Variants in FBXW11 observed in about 807,000 individuals in gnomAD.
FBXW11 encodes the protein F-box and WD repeat domain containing 11, also known as F-box/WD repeat-containing protein 11.
Under a neutral mutation model 77.6 loss-of-function variants are expected in FBXW11, and 19 were observed. The ratio of observed to expected loss-of-function variants is 0.24; its 90% confidence interval spans 0.17 to 0.36. FBXW11 has a LOEUF of 0.36. Among genes scored for constraint, FBXW11 ranks in the 10% least tolerant of loss-of-function variants. The pLI is 1.00. For missense variants in FBXW11, 334 were observed against 704.2 expected, an observed-to-expected ratio of 0.47 and a Z score of 5.95; for synonymous variants, 235 against 249.4, an observed-to-expected ratio of 0.94 and a Z score of 0.54.
intron 1 of FBXW11, among the ~76,000 whole-genome samples, chr5:171,993,773 A>C (rs1282002649): frequency 6.6e-6 from 1 of 152,176 alleles, no homozygotes; most frequent in African/African-American, 2.4e-5. Flanking sequence ...AGCAGATCAA[A>C]TTTCTGTGAG....
intron 2 of FBXW11, among the ~76,000 whole-genome samples, chr5:171,926,059 G>C (rs13167910): frequency 6.6e-6 from 1 of 152,184 alleles, no homozygotes; most frequent in Admixed American, 6.5e-5. Context: ...TATTATCTCT[G>C]TAATTTTTAT....
At chr5:171,867,102 C>G (rs1421814941) in intron 13 of FBXW11, among the ~76,000 whole-genome samples, 1 of 152,210 alleles carries the variant, frequency 6.6e-6, no homozygotes, top group Non-Finnish European at 1.5e-5. Context: ...ACTGAGTTGG[C>G]ATGAAGAAAA....
chr5:171,956,041 G>A (rs1383539368), intron 2 of FBXW11, among the ~76,000 whole-genome samples: 2 of 151,976 alleles, frequency 1.3e-5, no homozygotes, highest in African/African-American at 2.4e-5. Flanking sequence ...AAAAGAATCC[G>A]CACTTCAAGA....
intron 4 of FBXW11, 71 bp from the exon 5 acceptor site, chr5:171,900,171 GATAAGAGGA>G (rs1760017285): frequency 7.6e-7 from 1 of 1,322,268 alleles, no homozygotes; most frequent in African/African-American, 1.5e-5. Flanking sequence ...TTTCCTTAAA[GATAAGAGGA>G]ATAAAGAAAT....
At chr5:171,911,746 T>C (rs1350166310) in intron 3 of FBXW11, among the ~76,000 whole-genome samples, 1 of 152,190 alleles carries the variant, frequency 6.6e-6, no homozygotes, top group African/African-American at 2.4e-5. Context: ...TACAAGTCCT[T>C]ACATAAAATC....
intron 7 of FBXW11, among the ~76,000 whole-genome samples, chr5:171,884,541 A>G (rs574127642): frequency 2.6e-5 from 4 of 152,260 alleles, no homozygotes; most frequent in Admixed American, 2.0e-4. Flanking sequence ...TTTGGTTCCA[A>G]GTGAATTTTA....
intron 3 of FBXW11, among the ~76,000 whole-genome samples, chr5:171,911,592 C>T (rs1197584478): frequency 6.6e-6 from 1 of 152,134 alleles, no homozygotes; most frequent in Non-Finnish European, 1.5e-5. Flanking sequence ...TTAGACTTTC[C>T]CATCCTTCTT....
At chr5:171,931,193 T>C (rs1265582247) in intron 2 of FBXW11, among the ~76,000 whole-genome samples, 2 of 151,782 alleles carry the variant, frequency 1.3e-5, no homozygotes, top group Admixed American at 6.6e-5. Context: ...ATGGAGAGGC[T>C]AAAAAAAATA....
At chr5:171,929,617 C>T (rs982036767) in intron 2 of FBXW11, among the ~76,000 whole-genome samples, 2 of 151,668 alleles carry the variant, frequency 1.3e-5, no homozygotes, top group Admixed American at 1.3e-4. Context: ...TTTGGGAGGC[C>T]GAGGTGGGCA....
intron 1 of FBXW11, chr5:171,977,733 C>A: frequency 5.3e-6 from 2 of 374,630 alleles, no homozygotes; most frequent in Non-Finnish European, 1.1e-5. Context: ...GAGAGAGAAG[C>A]TTGTGCAGGG....
chr5:171,865,537 A>G (rs1757332955), intron 13 of FBXW11, among the ~76,000 whole-genome samples: 3 of 152,206 alleles, frequency 2.0e-5, no homozygotes, highest in East Asian at 1.9e-4. Context: ...ACATGCAAGC[A>G]TTTCACAATA....
chr5:171,912,534 A>G (rs1760944673), intron 3 of FBXW11, among the ~76,000 whole-genome samples: 1 of 152,224 alleles, frequency 6.6e-6, no homozygotes, highest in African/African-American at 2.4e-5. Context: ...TAACTGCCCA[A>G]TTACAGGCAA....
chr5:172,001,439 A>G (rs148823629), intron 1 of FBXW11, among the ~76,000 whole-genome samples: 168 of 152,360 alleles, frequency 1.1e-3, no homozygotes, highest in African/African-American at 3.8e-3. Context: ...AATGATCACC[A>G]GGAAAATTCA....
intron 2 of FBXW11, among the ~76,000 whole-genome samples, chr5:171,933,648 GA>G (rs1337161908): frequency 6.6e-6 from 1 of 152,118 alleles, no homozygotes; most frequent in Non-Finnish European, 1.5e-5. Context: ...GATCCTGCAA[GA>G]AAAGAATTTT....
chr5:171,978,207 C>T (rs775523094), intron 1 of FBXW11, among the ~76,000 whole-genome samples: 27 of 151,838 alleles, frequency 1.8e-4, no homozygotes, highest in South Asian at 4.2e-4. Context: ...GTGCAGAAAG[C>T]GAGGGTGAAA....
In FBXW11 at chr5:171,863,891, G is replaced by A. The variant is rs958674143; in HGVS notation, c.*236C>T. 5.3e-5 allele frequency: 8 copies of A among 152,196 alleles called. No homozygotes were observed. The highest frequency in any genetic ancestry group is 3.3e-4 in the Admixed American group (5 of 15,266). 9.4% of individuals were successfully genotyped at this position (152,196 alleles called of 1,614,324 possible). A position where few individuals can be genotyped will look rare whatever the true frequency, so the allele number is the denominator to read the frequency against. On this transcript the variant is annotated 3_prime_UTR_variant, in exon 14 of 14. Transcript: ENST00000517395. ...TTTTTCACTGATGAGGGAAGGAAAC[G>A]GGCTTCTGTTCTACTTGAAGCCGGG...
intron 2 of FBXW11, among the ~76,000 whole-genome samples, chr5:171,926,846 T>G (rs969902256): frequency 1.3e-4 from 20 of 152,212 alleles, no homozygotes; most frequent in African/African-American, 4.6e-4. Context: ...GCACTTAGAA[T>G]AATTCCCAGC....
In FBXW11 at chr5:171,904,253, C is replaced by T. The variant is rs562185936; in HGVS notation, c.437-4153G>A. Among the ~76,000 whole-genome samples, 1 of 152,216 alleles carries T rather than the reference C, an allele frequency of 6.6e-6. No individual in the cohort carries two copies. Among genetic ancestry groups the T allele is most frequent in the South Asian group, 2.1e-4 (1 of 4,818 alleles). ...GCGGTTGCAGTAAGTGGAGATCATG[C>T]CACTGCACTCTAGCCTGGGTTACAG... On this transcript the variant is annotated intron_variant, in intron 4 of 13. Coordinates refer to ENST00000517395, the MANE Select transcript of FBXW11 (RefSeq NM_001378974.1). This position sits in a 1 kb window ranked among gnomAD's most constrained non-coding sequence, Gnocchi z 4.0.
intron 1 of FBXW11, among the ~76,000 whole-genome samples, chr5:171,977,002 T>C (rs574443489): frequency 6.7e-6 from 1 of 149,426 alleles, no homozygotes; most frequent in Non-Finnish European, 1.5e-5. Context: ...GCCAAAATGG[T>C]GCAGCCTGGG....
Sources: gnomAD v4.1 joint callset for allele counts (sites outside exome capture counted in the v4.1 genomes callset) on GRCh38, gnomAD v4.1.1 for gene constraint, Gnocchi (gnomAD v3.1) non-coding constraint, MANE v1.5 for transcripts, NCBI Gene and HGNC (gene_info 2026-07-23, HGNC 2026-07-21) for gene names.